Variants in C2orf92 observed in about 807,000 individuals in gnomAD.
The protein encoded by C2orf92 is uncharacterized protein C2orf92.
intron 3 of C2orf92, chr2:97,677,756 G>A (rs1675631093): frequency 6.6e-6 from 1 of 152,146 alleles, no homozygotes; most frequent in South Asian, 2.1e-4. Flanking sequence ...TATTACACAA[G>A]ATGTTAAATC....
chr2:97,694,183 G>A (rs1676227433), intron 5 of C2orf92, among the ~76,000 whole-genome samples: 1 of 151,302 alleles, frequency 6.6e-6, no homozygotes, highest in Non-Finnish European at 1.5e-5. Context: ...ATTTCATTTT[G>A]CATAATGTCC....
intron 1 of C2orf92, chr2:97,671,338 G>GT (rs1553564075): frequency 1.0e-5 from 4 of 394,144 alleles, no homozygotes; most frequent in Non-Finnish European, 8.9e-6. Flanking sequence ...TAGAGTCGGG[G>GT]GTCTCCCTAT....
chr2:97,701,391 T>C, intron 7 of C2orf92, 87 bp downstream of exon 7: 1 of 394,808 alleles, frequency 2.5e-6, no homozygotes, highest in East Asian at 3.6e-5. Context: ...TGATCTGGTT[T>C]ACGAGGAGGG....
intron 6 of C2orf92, among the ~76,000 whole-genome samples, chr2:97,700,506 TC>T: frequency 6.6e-6 from 1 of 152,298 alleles, no homozygotes; most frequent in Non-Finnish European, 1.5e-5. Flanking sequence ...ATCTGAGCTC[TC>T]CTCTGTTCTT....
upstream of C2orf92, chr2:97,665,783 G>A (rs1307636307): frequency 1.1e-5 from 1 of 87,316 alleles, no homozygotes; most frequent in Admixed American, 1.3e-4. Context: ...ATTTTGTTTT[G>A]TTTTGTTTTT....
chr2:97,677,020 G>A (rs144979674), intron 3 of C2orf92, among the ~76,000 whole-genome samples: 50 of 152,338 alleles, frequency 3.3e-4, no homozygotes, highest in African/African-American at 1.0e-3. Flanking sequence ...ACTATGTTAA[G>A]TAGCTATGGA....
At chr2:97,673,567 G>C in intron 1 of C2orf92, among the ~76,000 whole-genome samples, 1 of 152,092 alleles carries the variant, frequency 6.6e-6, no homozygotes, top group Admixed American at 6.6e-5. Flanking sequence ...AAATACTGTG[G>C]TCAACTGAAT....
At chr2:97,674,046 A>G (rs1313290697) in intron 1 of C2orf92, among the ~76,000 whole-genome samples, 2 of 152,196 alleles carry the variant, frequency 1.3e-5, no homozygotes, top group Non-Finnish European at 2.9e-5. Context: ...TGGCTTAAAC[A>G]AAGAGTGGTT....
At chr2:97,663,953 GC>G, upstream of C2orf92, 2 of 898,800 alleles carry the variant, frequency 2.2e-6, no homozygotes, top group Non-Finnish European at 3.0e-6. Flanking sequence ...GGGCGGGCGG[GC>G]GGGAGGACCG....
At chr2:97,677,408 T>G (rs1244829977) in intron 3 of C2orf92, 1 of 152,226 alleles carries the variant, frequency 6.6e-6, no homozygotes, top group African/African-American at 2.4e-5. Flanking sequence ...TTTTTCTCTT[T>G]TTGGAGATAG....
upstream of C2orf92, chr2:97,667,135 T>C (rs1449208016): frequency 1.3e-5 from 2 of 152,182 alleles, no homozygotes; most frequent in African/African-American, 2.4e-5. Context: ...GAGAGAGTGC[T>C]ATATAATTTC....
rs886088687 is a variant in C2orf92, at chr2:97,702,843, T to C, written c.*42T>C. 1.0e-5 allele frequency: 4 copies of C among 398,748 alleles called. No individual in the cohort carries two copies. Among genetic ancestry groups the C allele is most frequent in the Non-Finnish European group, 1.8e-5 (4 of 226,018 alleles). 24.7% of individuals were successfully genotyped at this position (398,748 alleles called of 1,614,324 possible). On this transcript the variant is annotated 3_prime_UTR_variant, in exon 8 of 8. Coordinates refer to ENST00000627399, the MANE Select transcript of C2orf92 (RefSeq NM_001351368.2). ...GTCAAACCAGGACTTGAAACCACAA[T>C]GCGAGGACATTCTCCATCTGCGCAC...
chr2:97,676,327 G>A (rs1040517936), intron 3 of C2orf92, among the ~76,000 whole-genome samples: 3 of 151,262 alleles, frequency 2.0e-5, no homozygotes, highest in South Asian at 4.2e-4. Context: ...CCAGCTACTC[G>A]GGAGGTTGAG....
chr2:97,682,337 G>A (rs1386443265), intron 3 of C2orf92, among the ~76,000 whole-genome samples: 1 of 152,118 alleles, frequency 6.6e-6, no homozygotes, highest in East Asian at 1.9e-4. Flanking sequence ...TTCCAACGAA[G>A]AAAGTCTAGA....
At chr2:97,695,899 G>A (rs1016345423) in intron 5 of C2orf92, among the ~76,000 whole-genome samples, 5 of 152,028 alleles carry the variant, frequency 3.3e-5, no homozygotes, top group Admixed American at 1.3e-4. Context: ...CTACAGGCAC[G>A]CACCACCATG....
upstream of C2orf92, among the ~76,000 whole-genome samples, chr2:97,666,263 C>T (rs1415178243): frequency 2.0e-5 from 3 of 151,466 alleles, no homozygotes; most frequent in Non-Finnish European, 4.4e-5. Context: ...TGGGGCCGGG[C>T]GCGGTGGCTT....
chr2:97,689,934 G>T (rs1257935136), intron 4 of C2orf92, among the ~76,000 whole-genome samples: 1 of 152,074 alleles, frequency 6.6e-6, no homozygotes, highest in African/African-American at 2.4e-5. Context: ...TTCGAGACCA[G>T]CCTGACCAAC....
chr2:97,665,363 C>G (rs528414358), upstream of C2orf92, among the ~76,000 whole-genome samples: 1 of 152,124 alleles, frequency 6.6e-6, no homozygotes, highest in African/African-American at 2.4e-5. Context: ...GTTCAAGAAA[C>G]AATATTGTTG....
chr2:97,689,012 CATA>C lies in C2orf92; in HGVS notation c.331+24_331+26del. 1 of 398,568 alleles carries C rather than the reference CATA, an allele frequency of 2.5e-6. No homozygotes were observed. The highest frequency in any genetic ancestry group is 3.6e-5 in the East Asian group (1 of 28,074). 24.7% of individuals were successfully genotyped at this position (398,568 alleles called of 1,614,324 possible). A position where few individuals can be genotyped will look rare whatever the true frequency, so the allele number is the denominator to read the frequency against. On this transcript the variant is annotated intron_variant, in intron 4 of 7. Coordinates refer to ENST00000627399, the MANE Select transcript of C2orf92 (RefSeq NM_001351368.2). ...AGAAAAGGCAAGTGTATGTCATTAA[CATA>C]ATAAGTGCACACATTTCTATAGGCC...
Sources: gnomAD v4.1 joint callset for allele counts (sites outside exome capture counted in the v4.1 genomes callset) on GRCh38, gnomAD v4.1.1 for gene constraint, MANE v1.5 for transcripts, NCBI Gene and HGNC (gene_info 2026-07-23, HGNC 2026-07-21) for gene names.